The following NECTIN2 variants were observed in gnomAD, a reference collection of about 807,000 sequenced individuals.
The protein encoded by NECTIN2 is nectin-2.
A neutral mutation model predicts 56.9 loss-of-function variants in NECTIN2; 23 were observed. The observed-to-expected ratio is 0.40, with a 90% CI of 0.29 to 0.57. NECTIN2 has a LOEUF of 0.57. Among genes scored for constraint, NECTIN2 ranks in the 20% least tolerant of loss-of-function variants. The pLI, the probability that NECTIN2 is intolerant of heterozygous loss-of-function variation, is 0.38. For missense variants in NECTIN2, 587 were observed against 718.3 expected (o/e 0.82, Z 2.09); for synonymous variants, 302 against 313.8 (o/e 0.96, Z 0.40).
rs1969216897 is a variant in NECTIN2, at chr19:44,874,664, G to A, written c.1042+186G>A. 11 of 685,250 alleles carry A rather than the reference G, an allele frequency of 1.6e-5. 1 individual carries two copies. The South Asian group carries it at 2.0e-4, about 13-fold the overall frequency. The allele number at this position is 685,250 out of a possible 1,614,324, so 42.4% of individuals were successfully genotyped here. A position where few individuals can be genotyped will look rare whatever the true frequency, so the allele number is the denominator to read the frequency against. On this transcript the variant is annotated intron_variant, in intron 5 of 8. Transcript: ENST00000252483. This position sits in a 1 kb window ranked among gnomAD's most constrained non-coding sequence, Gnocchi z 6.3. ...GGCCTCAGACTGGGGTCTGGATTTGGGGTGTCGGGGTAGGTGAAGGCAGCA... is the reference window on the plus strand; with the variant it reads ...GGCCTCAGACTGGGGTCTGGATTTGAGGTGTCGGGGTAGGTGAAGGCAGCA...
At chr19:44,858,215 A>G (rs189669830) in intron 1 of NECTIN2, among the ~76,000 whole-genome samples, 31 of 152,190 alleles carry the variant, frequency 2.0e-4, no homozygotes, top group African/African-American at 6.5e-4. Context: ...TTTTCCCCCA[A>G]GTGACACACC....
intron 5 of NECTIN2, 64 bp from the exon 6 acceptor site, chr19:44,882,147 C>T (rs988096893): frequency 6.8e-6 from 9 of 1,329,674 alleles, no homozygotes; most frequent in South Asian, 4.3e-5. Context: ...GTGGGATGGT[C>T]GCTTGGAATA....
chr19:44,870,321 TG>T (rs1969158297), intron 2 of NECTIN2, among the ~76,000 whole-genome samples: 1 of 151,888 alleles, frequency 6.6e-6, no homozygotes, highest in Non-Finnish European at 1.5e-5. Context: ...CAGGAGGATG[TG>T]GGGAGGCTTG....
At chr19:44,870,160 C>T (rs1406551698) in intron 2 of NECTIN2, among the ~76,000 whole-genome samples, 1 of 152,082 alleles carries the variant, frequency 6.6e-6, no homozygotes, top group African/African-American at 2.4e-5. Context: ...GCAATCCAGG[C>T]ACAAAATCAC....
rs1969095194 is a variant in NECTIN2, at chr19:44,865,885, AG to A, written c.478+226del. Among the ~76,000 whole-genome samples the A allele has an allele frequency of 6.6e-6, 1 of 152,162 alleles. No homozygotes were observed. The highest frequency in any genetic ancestry group is 6.6e-5 in the Admixed American group (1 of 15,266). ...CATTCTTGGGAAAAACAAAAAAATA[AG>A]TATTGGCTGGGCGCAGTGGCCCACC... On this transcript the variant is annotated intron_variant, in intron 2 of 8. Transcript: ENST00000252483. This position sits in a 1 kb window ranked among gnomAD's most constrained non-coding sequence, Gnocchi z 5.2.
chr19:44,879,163 T>TC (rs1405574630), intron 5 of NECTIN2, among the ~76,000 whole-genome samples: 4 of 152,028 alleles, frequency 2.6e-5, no homozygotes, highest in African/African-American at 9.7e-5. Context: ...CAACTAGGAT[T>TC]CAGGTCACTG....
intron 1 of NECTIN2, among the ~76,000 whole-genome samples, chr19:44,850,657 C>T (rs1178964347): frequency 6.6e-6 from 1 of 152,022 alleles, no homozygotes; most frequent in African/African-American, 2.4e-5. Flanking sequence ...AAAAACAAAA[C>T]AAAACACACG....
In NECTIN2 at chr19:44,872,068, G is replaced by C; in HGVS notation, c.694G>C (p.Asp232His). Residue 232 changes from aspartate to histidine, a missense_variant, in exon 3 of 9, where the codon GAT becomes CAT. Coordinates refer to ENST00000252483, the MANE Select transcript of NECTIN2 (RefSeq NM_001042724.2). ...RFTLVPSGRA[D>H]GVTVTCKVEH... ...CACCTTGGTGCCCTCGGGCCGAGCAGATGGTGTCACGGTCACCTGCAAAGT... is the reference window on the plus strand; with the variant it reads ...CACCTTGGTGCCCTCGGGCCGAGCACATGGTGTCACGGTCACCTGCAAAGT... 2 of 1,614,172 alleles carry C rather than the reference G, an allele frequency of 1.2e-6. No homozygotes were observed. Among genetic ancestry groups the C allele is most frequent in the Non-Finnish European group, 1.7e-6 (2 of 1,180,030 alleles).
Position 44,888,620 on chromosome 19 carries a change from G to C in NECTIN2, c.*241G>C. 1 of 546,074 alleles carries C rather than the reference G, an allele frequency of 1.8e-6. No homozygotes were observed. 33.8% of individuals were successfully genotyped at this position (546,074 alleles called of 1,614,324 possible). ...GGCAGGAGGTGGGGAAGGTGCTTCT[G>C]CACAACCTCTGATCCCAAGGACTCC... On this transcript the variant is annotated 3_prime_UTR_variant, in exon 9 of 9. Coordinates refer to ENST00000252483, the MANE Select transcript of NECTIN2 (RefSeq NM_001042724.2).
chr19:44,846,552 G>T lies in NECTIN2; in HGVS notation c.27G>T (p.Pro9=), dbSNP rs1207796976. ...TGGCCCGGGCCGCTGCCCTCCTGCCGTCGAGATCGCCGCCGACGCCGCTGC... is the reference window on the plus strand; with the variant it reads ...TGGCCCGGGCCGCTGCCCTCCTGCCTTCGAGATCGCCGCCGACGCCGCTGC... MARAAALL[P]SRSPPTPLLW... The change falls in exon 1 of 9, where the codon CCG becomes CCT. Residue 9 remains proline, a synonymous_variant. Transcript: ENST00000252483. 6.6e-7 allele frequency: 1 copy of T among 1,523,168 alleles called. No individual in the cohort carries two copies. The highest frequency in any genetic ancestry group is 2.6e-5 in the East Asian group (1 of 38,950). 94.4% of individuals were successfully genotyped at this position (1,523,168 alleles called of 1,614,324 possible).
chr19:44,883,576 A>G (rs1969330790), intron 6 of NECTIN2, among the ~76,000 whole-genome samples: 1 of 152,194 alleles, frequency 6.6e-6, no homozygotes, highest in African/African-American at 2.4e-5. Flanking sequence ...CGCCCAGCCA[A>G]TGCCAGCACT....
At position 44,888,509 on chromosome 19, in the gene NECTIN2, A is replaced by AC. The variant is rs1300125996; in HGVS notation, c.*132dup. 10 of 1,034,724 alleles carry AC rather than the reference A, an allele frequency of 9.7e-6. No individual in the cohort carries two copies. The highest frequency in any genetic ancestry group is 1.4e-5 in the Non-Finnish European group (10 of 715,984). The allele number at this position is 1,034,724 out of a possible 1,614,324, so 64.1% of individuals were successfully genotyped here. ...CATATGCATTCCATTTGTGATGTCT[A>AC]CCTTGGTGGCTCCACTATGACCCCT... On this transcript the variant is annotated 3_prime_UTR_variant, in exon 9 of 9. Transcript: ENST00000252483.
intron 5 of NECTIN2, among the ~76,000 whole-genome samples, chr19:44,880,355 C>G (rs547361229): frequency 4.6e-5 from 7 of 152,108 alleles, no homozygotes; most frequent in South Asian, 4.2e-4. Flanking sequence ...AACGGGTAAC[C>G]ACTCCAAAAA....
At chr19:44,882,781 ACAT>A (rs1969322233) in intron 6 of NECTIN2, among the ~76,000 whole-genome samples, 2 of 71,314 alleles carry the variant, frequency 2.8e-5, no homozygotes, top group African/African-American at 6.2e-5. Context: ...GGATCCTACT[ACAT>A]TTTTTTTTTT....
chr19:44,864,960 A>G (rs1055927215), intron 1 of NECTIN2, among the ~76,000 whole-genome samples: 1 of 152,208 alleles, frequency 6.6e-6, no homozygotes, highest in Non-Finnish European at 1.5e-5. Context: ...GCGACTTCAT[A>G]TCTTCTGGGA....
At position 44,872,072 on chromosome 19, in the gene NECTIN2, G is replaced by C; in HGVS notation, c.698G>C (p.Gly233Ala). ...FTLVPSGRAD[G>A]VTVTCKVEHE... is the part of the protein sequence containing the mutation. ...TTGGTGCCCTCGGGCCGAGCAGATG[G>C]TGTCACGGTCACCTGCAAAGTGGAG... The change falls in exon 3 of 9, where the codon GGT (glycine) becomes GCT (alanine). Residue 233 changes from glycine to alanine, a missense_variant. Transcript: ENST00000252483. The C allele has an allele frequency of 6.2e-7, 1 of 1,614,174 alleles. No homozygotes were observed. The highest frequency in any genetic ancestry group is 1.3e-5 in the African/African-American group (1 of 75,044).
chr19:44,847,570 G>A lies in NECTIN2; in HGVS notation c.88+957G>A, dbSNP rs3786502. 4.2e-4 allele frequency among the ~76,000 whole-genome samples: 64 copies of A among 152,286 alleles called. No individual in the cohort carries two copies. In the East Asian group the frequency reaches 0.01, roughly 24 times the overall value. On this transcript the variant is annotated intron_variant, in intron 1 of 8. Coordinates refer to ENST00000252483, the MANE Select transcript of NECTIN2 (RefSeq NM_001042724.2). ...TCAAGGGTCGAAGGCTCTGTCTTGA[G>A]GCTGGAGTCTCAGTCGCCTGAGTCC...
chr19:44,853,646 G>A (rs1012458435), intron 1 of NECTIN2, among the ~76,000 whole-genome samples: 2 of 151,394 alleles, frequency 1.3e-5, no homozygotes, highest in East Asian at 1.9e-4. Flanking sequence ...CCGCCACCAC[G>A]CCCGGCTAAT....
In NECTIN2 at chr19:44,875,552, C is replaced by T. The variant is rs1969227464; in HGVS notation, c.1042+1074C>T. 6.6e-6 allele frequency among the ~76,000 whole-genome samples: 1 copy of T among 152,204 alleles called. No individual in the cohort carries two copies. The highest frequency in any genetic ancestry group is 1.5e-5 in the Non-Finnish European group (1 of 68,034). On this transcript the variant is annotated intron_variant, in intron 5 of 8. Coordinates refer to ENST00000252483, the MANE Select transcript of NECTIN2 (RefSeq NM_001042724.2). This position sits in a 1 kb window ranked among gnomAD's most constrained non-coding sequence, Gnocchi z 4.2. Reference sequence around the variant, plus strand: ...AAGTGCTGGGATTATATGCATGAGCCACTGCGCCTGGCCAGAAAAAGACAT... The same window carrying T: ...AAGTGCTGGGATTATATGCATGAGCTACTGCGCCTGGCCAGAAAAAGACAT...
Sources: gnomAD v4.1 joint callset for allele counts (sites outside exome capture counted in the v4.1 genomes callset) on GRCh38, gnomAD v4.1.1 for gene constraint, Gnocchi (gnomAD v3.1) non-coding constraint, MANE v1.5 for transcripts, NCBI Gene and HGNC (gene_info 2026-07-23, HGNC 2026-07-21) for gene names.